Variants in CDH8 observed in about 807,000 individuals in gnomAD.
CDH8 encodes cadherin-8.
A neutral mutation model predicts 68.1 loss-of-function variants in CDH8; 17 were observed. The ratio of observed to expected loss-of-function variants is 0.25; its 90% confidence interval spans 0.17 to 0.37. The LOEUF (loss-of-function observed/expected upper bound fraction) is 0.37. CDH8 is among the 10% of genes least tolerant of loss of function. CDH8 has a pLI of 1.00. For synonymous variants in CDH8, 372 were observed against 365.1 expected (o/e 1.02, Z -0.21); for missense variants, 763 against 999.3 (o/e 0.76, Z 3.19).
chr16:61,844,709 CTT>C (rs1962767765), intron 4 of CDH8, among the ~76,000 whole-genome samples: 1 of 152,174 alleles, frequency 6.6e-6, no homozygotes, highest in East Asian at 1.9e-4. Flanking sequence ...TTTAGTATAA[CTT>C]GTGGATAGAA....
intron 2 of CDH8, among the ~76,000 whole-genome samples, chr16:61,955,601 A>AT (rs1964973542): frequency 1.3e-5 from 2 of 151,834 alleles, no homozygotes; most frequent in East Asian, 3.9e-4. Flanking sequence ...TACTTTCTTA[A>AT]TTTTTTCTTT....
intron 1 of CDH8, among the ~76,000 whole-genome samples, chr16:62,023,232 T>C (rs1375106418): frequency 6.6e-6 from 1 of 152,156 alleles, no homozygotes; most frequent in African/African-American, 2.4e-5. Context: ...CTTATTACTT[T>C]AACAGCATTT....
chr16:61,926,982 T>G, intron 2 of CDH8, among the ~76,000 whole-genome samples: 1 of 152,230 alleles, frequency 6.6e-6, no homozygotes, highest in Non-Finnish European at 1.5e-5. Context: ...GCATGAGTCA[T>G]CGCCTGTTAT....
intron 7 of CDH8, among the ~76,000 whole-genome samples, chr16:61,811,977 A>C (rs529894256): frequency 6.6e-6 from 1 of 152,298 alleles, no homozygotes; most frequent in East Asian, 1.9e-4. Context: ...GTGCTGTAGA[A>C]GTTGCACCTA....
intron 3 of CDH8, among the ~76,000 whole-genome samples, chr16:61,866,972 T>C (rs1963267366): frequency 6.6e-6 from 1 of 152,190 alleles, no homozygotes; most frequent in Admixed American, 6.5e-5. Context: ...CTTACTTTTC[T>C]AGTTAAAAGC....
At chr16:61,822,268 C>G (rs1290028946) in intron 5 of CDH8, among the ~76,000 whole-genome samples, 1 of 99,564 alleles carries the variant, frequency 1.0e-5, no homozygotes, top group African/African-American at 3.9e-5. Context: ...CTCTGTCTCT[C>G]TCTCTCCTTT....
intron 10 of CDH8, chr16:61,667,301 C>T (rs1160234676): frequency 6.6e-6 from 1 of 151,424 alleles, no homozygotes; most frequent in Non-Finnish European, 1.5e-5. Context: ...TCCACTTTGG[C>T]TTTGGAAAAA....
At chr16:61,679,106 G>A (rs890678746) in intron 10 of CDH8, among the ~76,000 whole-genome samples, 9 of 151,954 alleles carry the variant, frequency 5.9e-5, no homozygotes, top group South Asian at 2.1e-4. Flanking sequence ...CAGAAGTGAC[G>A]TACGTCATTT....
intron 4 of CDH8, among the ~76,000 whole-genome samples, chr16:61,846,296 A>T (rs977371070): frequency 3.3e-5 from 5 of 152,120 alleles, no homozygotes; most frequent in African/African-American, 1.2e-4. Flanking sequence ...TTGGATAATA[A>T]GCAAGAAAAC....
intron 10 of CDH8, among the ~76,000 whole-genome samples, chr16:61,665,282 C>A (rs977162837): frequency 1.2e-4 from 18 of 151,816 alleles, no homozygotes; most frequent in African/African-American, 4.4e-4. Context: ...CACTTACAGT[C>A]CATGAAAAAT....
intron 7 of CDH8, among the ~76,000 whole-genome samples, chr16:61,809,653 A>G (rs1436585295): frequency 6.6e-6 from 1 of 152,234 alleles, no homozygotes; most frequent in Non-Finnish European, 1.5e-5. Flanking sequence ...AACACAGTCT[A>G]TTGGCAGAAA....
intron 4 of CDH8, among the ~76,000 whole-genome samples, chr16:61,845,309 T>C (rs961666560): frequency 6.6e-6 from 1 of 152,050 alleles, no homozygotes; most frequent in African/African-American, 2.4e-5. Context: ...AACGGCACAA[T>C]TAGGCAATCT....
intron 2 of CDH8, among the ~76,000 whole-genome samples, chr16:61,916,192 C>T (rs946612298): frequency 5.9e-5 from 9 of 152,252 alleles, no homozygotes; most frequent in South Asian, 2.1e-4. Context: ...TGTGCATTCA[C>T]GACTTCTTTA....
intron 4 of CDH8, among the ~76,000 whole-genome samples, chr16:61,828,510 G>C (rs1962391650): frequency 6.6e-6 from 1 of 151,814 alleles, no homozygotes; most frequent in African/African-American, 2.4e-5. Flanking sequence ...CACGTTTTAT[G>C]CATTCATGAC....
At chr16:61,931,820 G>A (rs1964543950) in intron 2 of CDH8, among the ~76,000 whole-genome samples, 1 of 152,162 alleles carries the variant, frequency 6.6e-6, no homozygotes, top group Non-Finnish European at 1.5e-5. Context: ...GATTTCTGCT[G>A]AAAACATAAC....
intron 6 of CDH8, among the ~76,000 whole-genome samples, chr16:61,818,704 C>T (rs1377289436): frequency 6.6e-6 from 1 of 152,132 alleles, no homozygotes. Flanking sequence ...CTTCAGATTT[C>T]AAGAATGCAA....
In CDH8 at chr16:61,649,294, A is replaced by G. The variant is rs1963270680; in HGVS notation, c.*4314T>C. ...CCTCAATTCAACTTCTTTCAAATTCAAGGTTAGATTCATGAAAACAGAGAG... is the reference window on the plus strand; with the variant it reads ...CCTCAATTCAACTTCTTTCAAATTCGAGGTTAGATTCATGAAAACAGAGAG... On this transcript the variant is annotated 3_prime_UTR_variant, in exon 12 of 12. Coordinates refer to ENST00000577390, the MANE Select transcript of CDH8 (RefSeq NM_001796.5). 6.6e-6 allele frequency: 1 copy of G among 151,892 alleles called. No homozygotes were observed. The highest frequency in any genetic ancestry group is 2.4e-5 in the African/African-American group (1 of 41,404). 9.4% of individuals were successfully genotyped at this position (151,892 alleles called of 1,614,324 possible). A position where few individuals can be genotyped will look rare whatever the true frequency, so the allele number is the denominator to read the frequency against.
intron 2 of CDH8, among the ~76,000 whole-genome samples, chr16:61,922,029 A>G (rs561763601): frequency 1.0e-4 from 15 of 147,968 alleles, no homozygotes; most frequent in Non-Finnish European, 1.4e-4. Flanking sequence ...AGCCTGGGGA[A>G]AAAAAAAAAT....
intron 8 of CDH8, among the ~76,000 whole-genome samples, chr16:61,754,824 T>C (rs988873391): frequency 3.3e-5 from 5 of 152,168 alleles, no homozygotes; most frequent in Admixed American, 2.6e-4. Context: ...CCTGGGTATA[T>C]TGTATGATGT....
Sources: allele counts gnomAD v4.1 joint callset (sites outside exome capture counted in the v4.1 genomes callset), GRCh38; gene constraint gnomAD v4.1.1; transcripts MANE v1.5; gene names NCBI Gene and HGNC (gene_info 2026-07-23, HGNC 2026-07-21).